Variants in PRKG1 observed in about 807,000 individuals in gnomAD.
The protein encoded by PRKG1 is cGMP-dependent protein kinase 1.
Under a neutral mutation model 88.1 loss-of-function variants are expected in PRKG1, and 35 were observed. That is an observed-to-expected ratio of 0.40 (90% CI 0.30 to 0.53). PRKG1 has a LOEUF of 0.53. Ranked by LOEUF, PRKG1 falls within the 20% of genes least tolerant of loss-of-function variation. PRKG1 has a pLI of 0.59. For missense variants in PRKG1, 540 were observed against 839.8 expected (o/e 0.64, Z 4.41); for synonymous variants, 303 against 292.5 (o/e 1.04, Z -0.37).
At chr10:51,509,190 A>C (rs545297319) in intron 3 of PRKG1, among the ~76,000 whole-genome samples, 1 of 152,352 alleles carries the variant, frequency 6.6e-6, no homozygotes, top group South Asian at 2.1e-4. Context: ...GACACAATGC[A>C]TTAAAAAACA....
chr10:51,801,177 A>C (rs1314504817), intron 3 of PRKG1, among the ~76,000 whole-genome samples: 1 of 152,060 alleles, frequency 6.6e-6, no homozygotes, highest in Non-Finnish European at 1.5e-5. Flanking sequence ...GCTGGATAGG[A>C]AATATTTTAG....
chr10:51,053,778 GTT>G (rs66475706), intron 1 of PRKG1, among the ~76,000 whole-genome samples: 31,861 of 144,880 alleles, frequency 0.22, 3,582 homozygotes, highest in Admixed American at 0.27. Flanking sequence ...GGTTTTTTTT[GTT>G]TTTTTTTTTT....
rs1164074497 is a variant in PRKG1, at chr10:51,942,620, A to C, written c.762+35050A>C. 1.6e-3 allele frequency among the ~76,000 whole-genome samples: 227 copies of C among 145,088 alleles called. 2 individuals carry two copies. The highest frequency in any genetic ancestry group is 4.2e-3 in the African/African-American group (155 of 37,308). On this transcript the variant is annotated intron_variant, in intron 5 of 17. Transcript: ENST00000373980. ...TTAAGTCTTTAATCCATCTTGAATT[A>C]ATTTTTGTATAAGGTGTAAGGAAGG...
chr10:52,068,607 T>G (rs6480706), intron 7 of PRKG1, among the ~76,000 whole-genome samples: 152,292 of 152,298 alleles, frequency 1, 76,143 homozygotes, highest in Non-Finnish European at 1. Context: ...TGAGTGCATA[T>G]AATTTAGTTT....
At chr10:52,141,051 G>C (rs552013205) in intron 8 of PRKG1, among the ~76,000 whole-genome samples, 1 of 152,180 alleles carries the variant, frequency 6.6e-6, no homozygotes, top group African/African-American at 2.4e-5. Context: ...GATATTGGCA[G>C]GATGGTCACA....
intron 3 of PRKG1, among the ~76,000 whole-genome samples, chr10:51,628,789 C>A (rs1351486082): frequency 6.6e-6 from 1 of 151,458 alleles, no homozygotes; most frequent in Non-Finnish European, 1.5e-5. Context: ...GAAACCCCGT[C>A]TCTACTAAAA....
At chr10:51,517,327 C>A (rs1262377948) in intron 3 of PRKG1, among the ~76,000 whole-genome samples, 1 of 152,186 alleles carries the variant, frequency 6.6e-6, no homozygotes, top group Non-Finnish European at 1.5e-5. Flanking sequence ...GGCCTTCTGC[C>A]TTCAGAGATA....
At chr10:51,595,493 G>C (rs1382324381) in intron 3 of PRKG1, among the ~76,000 whole-genome samples, 1 of 151,964 alleles carries the variant, frequency 6.6e-6, no homozygotes, top group African/African-American at 2.4e-5. Flanking sequence ...AGTTGAACAT[G>C]TTGGTGCATG....
Position 51,667,245 on chromosome 10 carries a change from T to C in PRKG1, c.593-137340T>C, listed in dbSNP as rs181256154. The stretch of plus-strand genomic sequence containing the variant: ...TGAAAGAAAGCCAATTGTTTTGAAA[T>C]AAAGCATGTTTTTCTTGTGAATATC... On this transcript the variant is annotated intron_variant, in intron 3 of 17. Coordinates refer to ENST00000373980, the MANE Select transcript of PRKG1 (RefSeq NM_006258.4). 3.5e-3 allele frequency among the ~76,000 whole-genome samples: 533 copies of C among 152,316 alleles called. 3 individuals carry two copies. The highest frequency in any genetic ancestry group is 0.012 in the African/African-American group (517 of 41,584).
At chr10:51,749,974 C>T (rs573428859) in intron 3 of PRKG1, among the ~76,000 whole-genome samples, 7 of 143,536 alleles carry the variant, frequency 4.9e-5, no homozygotes, top group African/African-American at 1.3e-4. Flanking sequence ...CTTGCTCTGT[C>T]GCCCAGGCTG....
chr10:51,119,183 TC>T (rs1845204154), intron 1 of PRKG1, among the ~76,000 whole-genome samples: 1 of 152,096 alleles, frequency 6.6e-6, no homozygotes, highest in African/African-American at 2.4e-5. Context: ...GTGTCCCTAT[TC>T]AGTTAGTATG....
chr10:52,248,821 G>T (rs746522755), intron 9 of PRKG1, among the ~76,000 whole-genome samples: 22 of 152,024 alleles, frequency 1.4e-4, no homozygotes, highest in Non-Finnish European at 3.2e-4. Context: ...CAAACATAAA[G>T]TAACTGCCTT....
At chr10:51,714,439 G>A (rs1389194037) in intron 3 of PRKG1, among the ~76,000 whole-genome samples, 1 of 152,134 alleles carries the variant, frequency 6.6e-6, no homozygotes, top group Admixed American at 6.5e-5. Flanking sequence ...GAGACTTAAG[G>A]CACATTTATG....
chr10:51,291,143 C>T (rs989051586), intron 2 of PRKG1, among the ~76,000 whole-genome samples: 1 of 152,118 alleles, frequency 6.6e-6, no homozygotes, highest in Non-Finnish European at 1.5e-5. Context: ...CTTCCAAAAA[C>T]TGAAGCATTG....
chr10:52,235,442 A>G (rs1345497387), intron 9 of PRKG1, among the ~76,000 whole-genome samples: 3 of 144,492 alleles, frequency 2.1e-5, no homozygotes, highest in East Asian at 4.1e-4. Context: ...AGAGACACAC[A>G]TAGGCTCAAA....
chr10:51,915,850 T>A (rs1193311537), intron 5 of PRKG1, among the ~76,000 whole-genome samples: 1 of 152,070 alleles, frequency 6.6e-6, no homozygotes, highest in East Asian at 1.9e-4. Context: ...ACACAAAAAA[T>A]TTCTTAACAT....
At chr10:52,103,175 C>A (rs1041499791) in intron 7 of PRKG1, among the ~76,000 whole-genome samples, 8 of 152,314 alleles carry the variant, frequency 5.3e-5, no homozygotes, top group Admixed American at 1.3e-4. Context: ...CCCATGCCCC[C>A]CATCCTGACC....
chr10:51,144,738 G>A (rs1845901453), intron 1 of PRKG1, among the ~76,000 whole-genome samples: 1 of 152,140 alleles, frequency 6.6e-6, no homozygotes, highest in Non-Finnish European at 1.5e-5. Flanking sequence ...ATGGTTGGAG[G>A]TAAAACTGAA....
intron 2 of PRKG1, among the ~76,000 whole-genome samples, chr10:51,390,884 T>C (rs1837377955): frequency 6.6e-6 from 1 of 151,402 alleles, no homozygotes; most frequent in African/African-American, 2.4e-5. Context: ...CATCCAACAA[T>C]GCACAGGAAA....
Sources: gnomAD v4.1 joint callset for allele counts (sites outside exome capture counted in the v4.1 genomes callset) on GRCh38, gnomAD v4.1.1 for gene constraint, MANE v1.5 for transcripts, NCBI Gene and HGNC (gene_info 2026-07-23, HGNC 2026-07-21) for gene names.